Variants in RAP1A observed in about 807,000 individuals in gnomAD.
RAP1A encodes RAP1A, member of RAS oncogene family.
Under a neutral mutation model 26.4 loss-of-function variants are expected in RAP1A, and 6 were observed. The ratio of observed to expected loss-of-function variants is 0.23; its 90% CI spans 0.12 to 0.45. The LOEUF (loss-of-function observed/expected upper bound fraction) is 0.45. Ranked by LOEUF, RAP1A falls within the 20% of genes least tolerant of loss-of-function variation. The pLI, the probability that RAP1A is intolerant of heterozygous loss-of-function variation, is 0.99. For missense variants in RAP1A, 121 were observed against 217.2 expected (o/e 0.56, Z 2.78); for synonymous variants, 73 against 79.4 (o/e 0.92, Z 0.43).
At chr1:111,669,031 A>AG (rs1290375044) in intron 1 of RAP1A, among the ~76,000 whole-genome samples, 1 of 86,900 alleles carries the variant, frequency 1.2e-5, no homozygotes, top group African/African-American at 4.2e-5. Context: ...CTCAAGAAAA[A>AG]AAAAAAAAAA....
At chr1:111,691,552 A>G in intron 2 of RAP1A, 135 bp downstream of exon 2, 1 of 736,992 alleles carries the variant, frequency 1.4e-6, no homozygotes, top group Non-Finnish European at 2.3e-6. Flanking sequence ...CACAAAGGAC[A>G]GGAAATCATT....
chr1:111,617,463 C>T (rs1036611082), upstream of RAP1A, among the ~76,000 whole-genome samples: 8 of 152,138 alleles, frequency 5.3e-5, no homozygotes, highest in East Asian at 1.9e-4. Context: ...TACAGAGTCT[C>T]GCTCTGTTGC....
At chr1:111,664,616 A>G (rs949667639) in intron 1 of RAP1A, among the ~76,000 whole-genome samples, 2 of 152,194 alleles carry the variant, frequency 1.3e-5, no homozygotes, top group Admixed American at 6.5e-5. Flanking sequence ...CATACAAAGT[A>G]CACAGTGAAA....
chr1:111,688,822 G>GTTTTTTT (rs767753356), intron 1 of RAP1A, among the ~76,000 whole-genome samples: 15 of 90,044 alleles, frequency 1.7e-4, no homozygotes, highest in East Asian at 3.7e-4. Flanking sequence ...TTTTTTTTTT[G>GTTTTTTT]TTTTTTTTTT....
rs566012344 is a variant in RAP1A, at chr1:111,638,732, A to G, written c.-28+18798A>G. On this transcript the variant is annotated intron_variant, in intron 1 of 7. Coordinates refer to ENST00000369709, the MANE Select transcript of RAP1A (RefSeq NM_002884.4). Reference sequence around the variant, plus strand: ...TGAGCCACCGTACCCTGTGTTTTCTATTTTTTTCATTCCTTTATTTGCCTA... The same window carrying G: ...TGAGCCACCGTACCCTGTGTTTTCTGTTTTTTTCATTCCTTTATTTGCCTA... Among the ~76,000 whole-genome samples, 33 of 151,570 alleles carry G rather than the reference A, an allele frequency of 2.2e-4. No homozygotes were observed. In the South Asian group the frequency reaches 4.2e-3, roughly 19 times the overall value.
chr1:111,595,465 T>A lies in RAP1A; in HGVS notation c.-28+52956T>A, dbSNP rs965624293. 3.3e-5 allele frequency among the ~76,000 whole-genome samples: 5 copies of A among 152,146 alleles called. No homozygotes were observed. The East Asian group carries it at 9.6e-4, about 29-fold the overall frequency. ...ATTTCCAGCTCAACATCTTCAAGCA[T>A]CCTAGAGAATAGAGATGACATTTTC... is the stretch of plus-strand genomic sequence containing the variant. On this transcript the variant is annotated intron_variant, in intron 1 of 7. Coordinates refer to the RAP1A transcript ENST00000356415.
At chr1:111,598,992 T>C (rs1295911695) in intron 1 of RAP1A, among the ~76,000 whole-genome samples, 1 of 152,086 alleles carries the variant, frequency 6.6e-6, no homozygotes, top group African/African-American at 2.4e-5. Flanking sequence ...GTTTAACTGG[T>C]ATATTATAAA....
intron 1 of RAP1A, chr1:111,563,770 G>A (rs1657839338): frequency 1.9e-6 from 2 of 1,061,914 alleles, no homozygotes; most frequent in Non-Finnish European, 2.9e-6. Flanking sequence ...ATGAATAAAT[G>A]TTCCAAAGTG....
intron 1 of RAP1A, among the ~76,000 whole-genome samples, chr1:111,622,760 T>C (rs148138314): frequency 6.6e-6 from 1 of 152,348 alleles, no homozygotes; most frequent in East Asian, 1.9e-4. Flanking sequence ...GGATGTTAGC[T>C]TACCTCTCTT....
chr1:111,672,466 G>A (rs934469706), intron 1 of RAP1A, among the ~76,000 whole-genome samples: 2 of 152,170 alleles, frequency 1.3e-5, no homozygotes, highest in Non-Finnish European at 2.9e-5. Context: ...CTCTGATGAT[G>A]TTGCAGTAAG....
At chr1:111,567,849 C>T (rs1456933043) in intron 1 of RAP1A, among the ~76,000 whole-genome samples, 1 of 152,204 alleles carries the variant, frequency 6.6e-6, no homozygotes, top group African/African-American at 2.4e-5. Flanking sequence ...TTTCTGTCAC[C>T]TTGATCTTGG....
chr1:111,662,954 C>T (rs1053710150), intron 1 of RAP1A, among the ~76,000 whole-genome samples: 1 of 152,154 alleles, frequency 6.6e-6, no homozygotes, highest in Non-Finnish European at 1.5e-5. Flanking sequence ...CTTGCTCTGT[C>T]GCCAGGCTGG....
At chr1:111,623,179 A>G (rs1209999130) in intron 1 of RAP1A, among the ~76,000 whole-genome samples, 2 of 63,854 alleles carry the variant, frequency 3.1e-5, no homozygotes, top group African/African-American at 1.6e-4. Context: ...CACCACGCCC[A>G]GATAATTTTT....
At chr1:111,663,795 A>G (rs1660708089) in intron 1 of RAP1A, among the ~76,000 whole-genome samples, 1 of 152,172 alleles carries the variant, frequency 6.6e-6, no homozygotes, top group Non-Finnish European at 1.5e-5. Context: ...AGCACTAGGA[A>G]TGGCATCTTT....
At chr1:111,708,828 T>A (rs189456285) in intron 6 of RAP1A, among the ~76,000 whole-genome samples, 94 of 149,434 alleles carry the variant, frequency 6.3e-4, no homozygotes, top group African/African-American at 2.4e-3. Flanking sequence ...TTGGTGAATC[T>A]GGGAAGAATA....
chr1:111,568,452 G>C (rs183566943), intron 1 of RAP1A, among the ~76,000 whole-genome samples: 1 of 152,148 alleles, frequency 6.6e-6, no homozygotes, highest in East Asian at 1.9e-4. Context: ...CATCACCAAG[G>C]GGATGCTAAA....
intron 4 of RAP1A, among the ~76,000 whole-genome samples, chr1:111,698,172 A>G (rs1037842670): frequency 2.6e-5 from 4 of 152,202 alleles, no homozygotes; most frequent in Admixed American, 6.5e-5. Flanking sequence ...ACTGCCACAT[A>G]AAATACATAC....
intron 1 of RAP1A, among the ~76,000 whole-genome samples, chr1:111,659,526 TCTTATTATTATAC>T (rs943430203): frequency 6.6e-6 from 1 of 150,940 alleles, no homozygotes; most frequent in African/African-American, 2.4e-5. Context: ...TTTTTTTTTC[TCTTATTATTATAC>T]CTTAAGTTTT....
At chr1:111,688,834 G>GT (rs1371801097) in intron 1 of RAP1A, among the ~76,000 whole-genome samples, 14 of 92,416 alleles carry the variant, frequency 1.5e-4, no homozygotes, top group East Asian at 9.3e-4. Context: ...TTTTTTTTTT[G>GT]TTTTTTTGTT....
Sources: gnomAD v4.1 joint callset for allele counts (sites outside exome capture counted in the v4.1 genomes callset) on GRCh38, gnomAD v4.1.1 for gene constraint, MANE v1.5 for transcripts, NCBI Gene and HGNC (gene_info 2026-07-23, HGNC 2026-07-21) for gene names.